The following PTPRD variants were observed in gnomAD, a reference collection of about 807,000 sequenced individuals.
PTPRD encodes receptor-type tyrosine-protein phosphatase delta.
In PTPRD, 34 loss-of-function variants were observed where a neutral mutation model predicts 214.5. The observed-to-expected ratio is 0.16, with a 90% confidence interval of 0.12 to 0.21. PTPRD has a LOEUF of 0.21. Ranked by LOEUF, PTPRD falls within the 10% of genes least tolerant of loss-of-function variation. The pLI is 1.00. For synonymous variants in PTPRD, 1,128 were observed against 845.7 expected (o/e 1.33, Z -5.79); for missense variants, 2,545 against 2,398.7 (o/e 1.06, Z -1.27).
At chr9:9,934,202 A>G (rs2088123535) in intron 5 of PTPRD, among the ~76,000 whole-genome samples, 1 of 148,314 alleles carries the variant, frequency 6.7e-6, no homozygotes, top group Non-Finnish European at 1.5e-5. Context: ...TTCAAAAGCT[A>G]GCAGAAGGCA....
intron 11 of PTPRD, among the ~76,000 whole-genome samples, chr9:8,941,269 T>C (rs1168665787): frequency 1.3e-5 from 2 of 151,558 alleles, no homozygotes; most frequent in African/African-American, 2.4e-5. Context: ...ACTAAAACAC[T>C]AAAGTAAAAG....
intron 39 of PTPRD, among the ~76,000 whole-genome samples, chr9:8,364,620 T>C (rs1343396462): frequency 6.8e-6 from 1 of 146,110 alleles, no homozygotes; most frequent in Non-Finnish European, 1.5e-5. Flanking sequence ...AGACAGCATG[T>C]CAAGTAATTT....
At chr9:9,853,979 A>T (rs1222177146) in intron 5 of PTPRD, among the ~76,000 whole-genome samples, 1 of 152,182 alleles carries the variant, frequency 6.6e-6, no homozygotes, top group Non-Finnish European at 1.5e-5. Context: ...ATCACCTTAA[A>T]CATTTATCAT....
At chr9:9,395,324 C>T (rs1473584417) in intron 9 of PTPRD, among the ~76,000 whole-genome samples, 1 of 152,026 alleles carries the variant, frequency 6.6e-6, no homozygotes, top group Non-Finnish European at 1.5e-5. Context: ...TTTTCAACTC[C>T]ATTTCCTGAT....
chr9:9,514,195 C>G (rs189834234), intron 8 of PTPRD, among the ~76,000 whole-genome samples: 19 of 152,160 alleles, frequency 1.2e-4, no homozygotes, highest in Non-Finnish European at 2.5e-4. Context: ...TTTTTCTCCC[C>G]TGGAATAAAA....
intron 12 of PTPRD, among the ~76,000 whole-genome samples, chr9:8,723,361 C>T (rs914884656): frequency 1.3e-5 from 2 of 152,172 alleles, no homozygotes; most frequent in African/African-American, 4.8e-5. Context: ...CCCTTCATAT[C>T]CTCTCTTACT....
chr9:9,660,547 T>C (rs1382902336), intron 7 of PTPRD, among the ~76,000 whole-genome samples: 1 of 151,978 alleles, frequency 6.6e-6, no homozygotes, highest in East Asian at 1.9e-4. Flanking sequence ...TCAAAGTAAA[T>C]ATGTAACTCT....
At chr9:9,023,972 TC>T (rs2099578319) in intron 10 of PTPRD, among the ~76,000 whole-genome samples, 1 of 152,028 alleles carries the variant, frequency 6.6e-6, no homozygotes, top group East Asian at 1.9e-4. Context: ...TATACCTTTT[TC>T]TAAAAATAAT....
intron 11 of PTPRD, among the ~76,000 whole-genome samples, chr9:8,938,318 G>C (rs1426045210): frequency 6.6e-6 from 1 of 151,896 alleles, no homozygotes; most frequent in Non-Finnish European, 1.5e-5. Flanking sequence ...GAGAAGAGGA[G>C]AGAACACAAG....
chr9:9,768,156 C>T (rs528563032), intron 5 of PTPRD, among the ~76,000 whole-genome samples: 17 of 152,058 alleles, frequency 1.1e-4, no homozygotes, highest in Non-Finnish European at 2.2e-4. Context: ...TTTTTCACAC[C>T]TTCTAGATTT....
At chr9:9,447,586 C>T in intron 8 of PTPRD, among the ~76,000 whole-genome samples, 1 of 152,008 alleles carries the variant, frequency 6.6e-6, no homozygotes, top group Middle Eastern at 3.4e-3. Flanking sequence ...TAATACCTGG[C>T]TGATGAAATA....
chr9:9,111,210 GAA>G (rs78493833), intron 10 of PTPRD, among the ~76,000 whole-genome samples: 2,033 of 67,938 alleles, frequency 0.03, 35 homozygotes, highest in East Asian at 0.13. Context: ...ATTAGATAAA[GAA>G]AAAAAAAAAA....
intron 12 of PTPRD, among the ~76,000 whole-genome samples, chr9:8,684,925 G>C (rs1472531319): frequency 1.3e-5 from 2 of 152,190 alleles, no homozygotes; most frequent in South Asian, 2.1e-4. Flanking sequence ...CAATCCTAGA[G>C]AGAGAAAAAA....
intron 11 of PTPRD, among the ~76,000 whole-genome samples, chr9:8,743,810 AAT>A (rs2092433117): frequency 6.7e-6 from 1 of 149,746 alleles, no homozygotes; most frequent in South Asian, 2.1e-4. Flanking sequence ...TAATAATAAT[AAT>A]AATAATAATA....
chr9:10,161,476 G>A lies in PTPRD; in HGVS notation c.-544-127686C>T, dbSNP rs141865948. On this transcript the variant is annotated intron_variant, in intron 3 of 45. Coordinates refer to ENST00000381196, the MANE Select transcript of PTPRD (RefSeq NM_002839.4). ...GACAATCTTTTCAATAGATGGTTCT[G>A]AGAAAACTGGATAAACATAGGTACA... Among the ~76,000 whole-genome samples, 853 of 151,808 alleles carry A rather than the reference G, an allele frequency of 5.6e-3. 7 individuals are homozygous for A. Among genetic ancestry groups the A allele is most frequent in the African/African-American group, 0.018 (763 of 41,516 alleles).
chr9:8,314,669 G>GACTT lies in PTPRD; in HGVS notation c.*3201_*3204dup, dbSNP rs2130077214. 4.3e-6 allele frequency: 1 copy of GACTT among 231,934 alleles called. No homozygotes were observed. Among genetic ancestry groups the GACTT allele is most frequent in the South Asian group, 1.8e-4 (1 of 5,516 alleles). 14.4% of individuals were successfully genotyped at this position (231,934 alleles called of 1,614,324 possible). ...ACAAAAAGGGAATTAAAAATAAAAGGACTTAAAGCAAAACCGAAAATAAAC... is the reference window on the plus strand; with the variant it reads ...ACAAAAAGGGAATTAAAAATAAAAGGACTTACTTAAAGCAAAACCGAAAATAAAC... On this transcript the variant is annotated 3_prime_UTR_variant, in exon 46 of 46. Coordinates refer to ENST00000381196, the MANE Select transcript of PTPRD (RefSeq NM_002839.4).
chr9:10,327,171 G>A (rs913459363), intron 3 of PTPRD, among the ~76,000 whole-genome samples: 4 of 142,872 alleles, frequency 2.8e-5, no homozygotes, highest in Admixed American at 7.0e-5. Context: ...ATATGTGTGT[G>A]TATATATATA....
At chr9:10,027,591 A>T (rs1391780257) in intron 4 of PTPRD, among the ~76,000 whole-genome samples, 1 of 152,198 alleles carries the variant, frequency 6.6e-6, no homozygotes, top group Non-Finnish European at 1.5e-5. Context: ...ATGTGGAAGC[A>T]TTTGTTATAA....
At chr9:8,790,680 A>G (rs1278248532) in intron 11 of PTPRD, among the ~76,000 whole-genome samples, 1 of 152,052 alleles carries the variant, frequency 6.6e-6, no homozygotes, top group East Asian at 1.9e-4. Context: ...AAGAGAAAAC[A>G]TTTTTTAGTG....
Sources: allele counts gnomAD v4.1 joint callset (sites outside exome capture counted in the v4.1 genomes callset), GRCh38; gene constraint gnomAD v4.1.1; transcripts MANE v1.5; gene names NCBI Gene and HGNC (gene_info 2026-07-23, HGNC 2026-07-21).